The following NAALADL2 variants were observed in gnomAD, a reference collection of about 807,000 sequenced individuals.
NAALADL2 encodes N-acetylated alpha-linked acidic dipeptidase like 2, also known as inactive N-acetylated-alpha-linked acidic dipeptidase-like protein 2.
In NAALADL2, 76 loss-of-function variants were observed where a neutral mutation model predicts 87.2. The observed-to-expected ratio is 0.87, with a 90% CI of 0.72 to 1.05. The LOEUF is 1.05. NAALADL2 is among the 50% of genes least tolerant of loss of function. The pLI is 0.00. For synonymous variants in NAALADL2, 354 were observed against 331.0 expected (o/e 1.07, Z -0.75); for missense variants, 1,089 against 945.8 (o/e 1.15, Z -1.99).
intron 5 of NAALADL2, among the ~76,000 whole-genome samples, chr3:175,388,027 G>A (rs9290552): frequency 4.0e-5 from 6 of 151,668 alleles, no homozygotes; most frequent in Non-Finnish European, 8.8e-5. Context: ...CACCATTCTC[G>A]GTAACTATCA....
intron 10 of NAALADL2, among the ~76,000 whole-genome samples, chr3:175,605,083 T>G (rs182901982): frequency 6.6e-6 from 1 of 152,338 alleles, no homozygotes; most frequent in African/African-American, 2.4e-5. Flanking sequence ...GAAAGCCTTT[T>G]ACCTTTTGTG....
At chr3:175,096,419 T>C (rs1490981004) in intron 1 of NAALADL2, among the ~76,000 whole-genome samples, 1 of 152,094 alleles carries the variant, frequency 6.6e-6, no homozygotes, top group African/African-American at 2.4e-5. Flanking sequence ...TTTTGCCTTC[T>C]GCATTGCATC....
At chr3:174,945,181 T>A (rs1739218930) in intron 1 of NAALADL2, among the ~76,000 whole-genome samples, 1 of 152,182 alleles carries the variant, frequency 6.6e-6, no homozygotes, top group Admixed American at 6.5e-5. Flanking sequence ...ATACCAGAAT[T>A]AATGAGAAAC....
intron 3 of NAALADL2, among the ~76,000 whole-genome samples, chr3:175,242,207 T>C (rs1165329866): frequency 6.6e-6 from 1 of 152,188 alleles, no homozygotes; most frequent in Non-Finnish European, 1.5e-5. Context: ...TAAAGACTTT[T>C]AGTCACCGTA....
At chr3:174,728,042 G>T (rs572279312) in intron 2 of NAALADL2, among the ~76,000 whole-genome samples, 1 of 151,950 alleles carries the variant, frequency 6.6e-6, no homozygotes, top group Non-Finnish European at 1.5e-5. Context: ...TCTTTTTGTG[G>T]CTTGATAACT....
At chr3:175,266,522 A>G (rs1230077704) in intron 4 of NAALADL2, among the ~76,000 whole-genome samples, 1 of 151,650 alleles carries the variant, frequency 6.6e-6, no homozygotes, top group Non-Finnish European at 1.5e-5. Flanking sequence ...TTTTGTTTCA[A>G]TCTAAATCTC....
chr3:175,600,817 G>T (rs1373837268), intron 10 of NAALADL2, among the ~76,000 whole-genome samples: 7 of 152,040 alleles, frequency 4.6e-5, no homozygotes, highest in Non-Finnish European at 1.0e-4. Flanking sequence ...GATTACAGGC[G>T]TGAGCCACCG....
At chr3:174,702,412 A>G (rs1201130485) in intron 2 of NAALADL2, among the ~76,000 whole-genome samples, 1 of 152,162 alleles carries the variant, frequency 6.6e-6, no homozygotes, top group Non-Finnish European at 1.5e-5. Flanking sequence ...AGTTTCAAGC[A>G]CTGGGGATAC....
At chr3:175,196,450 T>C (rs935682892) in intron 2 of NAALADL2, among the ~76,000 whole-genome samples, 3 of 152,012 alleles carry the variant, frequency 2.0e-5, no homozygotes, top group African/African-American at 7.2e-5. Flanking sequence ...TCTTCCGTTG[T>C]CTCTTGGTCA....
chr3:174,991,911 G>C (rs946714311), intron 1 of NAALADL2, among the ~76,000 whole-genome samples: 3 of 151,964 alleles, frequency 2.0e-5, no homozygotes, highest in African/African-American at 4.8e-5. Context: ...AAATCCATAG[G>C]AGTTTTCAGA....
At chr3:174,732,141 A>G (rs190557685) in intron 2 of NAALADL2, among the ~76,000 whole-genome samples, 30 of 152,268 alleles carry the variant, frequency 2.0e-4, no homozygotes, top group Admixed American at 1.5e-3. Context: ...TGTATCTTAT[A>G]TATTAACTAG....
At chr3:175,307,242 T>G (rs932459333) in intron 4 of NAALADL2, among the ~76,000 whole-genome samples, 2 of 152,074 alleles carry the variant, frequency 1.3e-5, no homozygotes, top group East Asian at 1.9e-4. Flanking sequence ...GGAGTAGTTG[T>G]GACAATTAAA....
At chr3:174,614,899 T>A (rs1303421331) in intron 2 of NAALADL2, among the ~76,000 whole-genome samples, 1 of 152,140 alleles carries the variant, frequency 6.6e-6, no homozygotes, top group African/African-American at 2.4e-5. Flanking sequence ...TCAACTGAGA[T>A]GGGGAAATTT....
chr3:174,606,891 A>C (rs1057311731), intron 2 of NAALADL2, among the ~76,000 whole-genome samples: 2 of 152,178 alleles, frequency 1.3e-5, no homozygotes, highest in African/African-American at 4.8e-5. Flanking sequence ...AGTTGAAATG[A>C]AGGAAAAAAT....
intron 11 of NAALADL2, among the ~76,000 whole-genome samples, chr3:175,706,810 G>A (rs991759702): frequency 2.6e-5 from 4 of 152,192 alleles, no homozygotes; most frequent in Middle Eastern, 3.4e-3. Context: ...TCTGAGCCTT[G>A]TCTAGTCACC....
intron 9 of NAALADL2, among the ~76,000 whole-genome samples, chr3:175,574,655 C>G (rs910330003): frequency 3.3e-5 from 5 of 152,130 alleles, no homozygotes; most frequent in Non-Finnish European, 7.4e-5. Context: ...TTTTCTCACT[C>G]TAGTAAGTCC....
At chr3:175,162,513 A>G (rs1408664594) in intron 2 of NAALADL2, among the ~76,000 whole-genome samples, 1 of 152,142 alleles carries the variant, frequency 6.6e-6, no homozygotes, top group African/African-American at 2.4e-5. Context: ...TATTTTCTTC[A>G]GCTTTGATTG....
chr3:175,233,847 A>G, intron 2 of NAALADL2, 84 bp from the exon 3 acceptor site: 1 of 726,222 alleles, frequency 1.4e-6, no homozygotes, highest in South Asian at 1.9e-5. Flanking sequence ...ATCTATTAAT[A>G]TTGTTCATAT....
chr3:175,776,908 C>T (rs541759311), intron 13 of NAALADL2, among the ~76,000 whole-genome samples: 1 of 152,082 alleles, frequency 6.6e-6, no homozygotes, highest in Admixed American at 6.5e-5. Flanking sequence ...TAAATTGTTA[C>T]ATTAAAAGAG....
Sources: allele counts gnomAD v4.1 joint callset (sites outside exome capture counted in the v4.1 genomes callset), GRCh38; gene constraint gnomAD v4.1.1; transcripts MANE v1.5; gene names NCBI Gene and HGNC (gene_info 2026-07-23, HGNC 2026-07-21).